The following COL2A1 variants were observed in gnomAD, a reference collection of about 807,000 sequenced individuals.
COL2A1 encodes the protein collagen type II alpha 1 chain.
Under a neutral mutation model 204.5 loss-of-function variants are expected in COL2A1, and 28 were observed. That is an observed-to-expected ratio of 0.14 (90% CI 0.10 to 0.19). The LOEUF (loss-of-function observed/expected upper bound fraction) is 0.19, where lower values mean the gene tolerates loss of function less well. COL2A1 is among the 10% of genes least tolerant of loss of function. The pLI is 1.00. For synonymous variants in COL2A1, 708 were observed against 718.7 expected (o/e 0.99, Z 0.24); for missense variants, 1,388 against 2,027.5 (o/e 0.68, Z 6.06).
chr12:47,997,271 C>T (rs528217864), intron 7 of COL2A1, among the ~76,000 whole-genome samples: 5 of 152,342 alleles, frequency 3.3e-5, no homozygotes, highest in Admixed American at 1.3e-4. Context: ...AGTGGTCACT[C>T]GTCTTCCAGG....
In COL2A1 at chr12:47,976,103, G is replaced by T. The variant is rs1021584140; in HGVS notation, c.3490-33C>A. The T allele has an allele frequency of 6.6e-7, 1 of 1,509,244 alleles. No individual in the cohort carries two copies. The highest frequency in any genetic ancestry group is 9.2e-7 in the Non-Finnish European group (1 of 1,084,708). The allele number at this position is 1,509,244 out of a possible 1,614,324, so 93.5% of individuals were successfully genotyped here. A position where few individuals can be genotyped will look rare whatever the true frequency, so the allele number is the denominator to read the frequency against. On this transcript the variant is annotated intron_variant, in intron 49 of 53. Coordinates refer to ENST00000380518, the MANE Select transcript of COL2A1 (RefSeq NM_001844.5). The surrounding 1 kb of genome is among the most constrained non-coding windows in gnomAD (Gnocchi z 4.3). ...AGAGAGAGGTCGTGAGGAAAGAGTG[G>T]TCACCACAGGGAAGGCTGGGGAGTC...
intron 36 of COL2A1, among the ~76,000 whole-genome samples, 175 bp from the exon 37 acceptor site, chr12:47,981,571 G>A (rs575484213): frequency 3.8e-4 from 58 of 152,370 alleles, no homozygotes; most frequent in African/African-American, 1.2e-3. Context: ...TCTGCTGAAT[G>A]TGTGTTTACC....
chr12:47,981,213 G>A (rs569091874), intron 37 of COL2A1, 130 bp downstream of exon 37: 16 of 1,040,944 alleles, frequency 1.5e-5, no homozygotes, highest in African/African-American at 1.3e-4. Flanking sequence ...TAGACCCAGC[G>A]GGTAGGGAGG....
Position 47,993,988 on chromosome 12 carries a change from A to T in COL2A1, c.870+6T>A. On this transcript the variant is annotated splice_donor_region_variant and intron_variant, in intron 13 of 53. Coordinates refer to ENST00000380518, the MANE Select transcript of COL2A1 (RefSeq NM_001844.5). ...TCCTTCCAACCTTCTCACCCGTGAT[A>T]CTTACTCTGTGACCTTTGACACCAG... 6.2e-7 allele frequency: 1 copy of T among 1,614,122 alleles called. No homozygotes were observed. Among genetic ancestry groups the T allele is most frequent in the Non-Finnish European group, 8.5e-7 (1 of 1,180,022 alleles).
chr12:47,986,593 C>A, intron 22 of COL2A1, 150 bp from the exon 23 acceptor site: 2 of 714,606 alleles, frequency 2.8e-6, no homozygotes, highest in South Asian at 1.7e-5. Context: ...CGAGCCATGG[C>A]AGGGCAGAGG....
At chr12:47,988,677 C>T (rs1319652892) in intron 18 of COL2A1, among the ~76,000 whole-genome samples, 2 of 152,250 alleles carry the variant, frequency 1.3e-5, no homozygotes, top group Admixed American at 6.5e-5. Context: ...ACACTGGAAT[C>T]CTTCCTGGGC....
chr12:47,993,972 C>T (rs370119831), intron 13 of COL2A1, 22 bp downstream of exon 13: 8 of 1,614,070 alleles, frequency 5.0e-6, no homozygotes, highest in African/African-American at 1.3e-5. Context: ...TTCCTTCCAA[C>T]CTTCTCACCC....
chr12:47,992,378 T>C (rs904779020), intron 16 of COL2A1, among the ~76,000 whole-genome samples: 2 of 152,310 alleles, frequency 1.3e-5, no homozygotes, highest in South Asian at 4.1e-4. Context: ...GAAGATGAGA[T>C]GAAGTAAAGC....
chr12:47,994,566 T>C, intron 11 of COL2A1, 89 bp from the exon 12 acceptor site: 2 of 1,397,236 alleles, frequency 1.4e-6, no homozygotes, highest in Non-Finnish European at 2.0e-6. Context: ...CTTCCAGCCC[T>C]CCATGCCTTT....
Position 47,974,313 on chromosome 12 carries a change from T to A in COL2A1, c.4093A>T (p.Asn1365Tyr), listed in dbSNP as rs202105427. The part of the protein sequence containing the change: ...GGFHFSYGDD[N>Y]LAPNTANVQM... ...ACGTTGGCAGTGTTGGGAGCCAGAT[T>A]GTCATCTCCATAGCTGAACTGTTGG... Residue 1365 changes from asparagine (N) to tyrosine (Y), a missense_variant, in exon 53 of 54, where the codon AAT becomes TAT. Transcript: ENST00000380518. The A allele has an allele frequency of 1.2e-5, 19 of 1,614,058 alleles. No individual in the cohort carries two copies. The highest frequency in any genetic ancestry group is 1.4e-5 in the Non-Finnish European group (17 of 1,180,002).
At chr12:48,005,507 T>C (rs1053470469), upstream of COL2A1, 5 of 152,202 alleles carry the variant, frequency 3.3e-5, no homozygotes, top group African/African-American at 1.2e-4. Flanking sequence ...GCGAGTTCTG[T>C]GAGCCGGGGA....
chr12:47,981,896 C>T, intron 35 of COL2A1, 67 bp from the exon 36 acceptor site: 1 of 1,507,432 alleles, frequency 6.6e-7, no homozygotes, highest in Non-Finnish European at 9.1e-7. Context: ...GGCCCGGCAC[C>T]AAGCCAACCT....
chr12:48,003,374 T>G (rs746022386), intron 1 of COL2A1, among the ~76,000 whole-genome samples: 3 of 151,880 alleles, frequency 2.0e-5, no homozygotes, highest in Non-Finnish European at 2.9e-5. Context: ...AGTTCCAGAA[T>G]TTAGAAAAGT....
chr12:48,004,189 G>T, intron 1 of COL2A1, 48 bp downstream of exon 1: 1 of 1,338,124 alleles, frequency 7.5e-7, no homozygotes, highest in Non-Finnish European at 1.1e-6. Flanking sequence ...AGGATGCTGA[G>T]GGACGCATGG....
chr12:47,978,661 G>T lies in COL2A1; in HGVS notation c.2831C>A (p.Pro944His), dbSNP rs140368756. ...DSGPPGRAGEPGLQGPAGPPG... is the reference protein window; with the variant it reads ...DSGPPGRAGEHGLQGPAGPPG... ...GGGTCCAGCAGGACCTTGGAGGCCG[G>T]GTTCACCAGCTCGGCCAGGGGGGCC... Residue 944 changes from proline (P) to histidine (H), a missense_variant, in exon 42 of 54, where the codon CCC becomes CAC. Pro to His is a moderately conservative substitution (Grantham distance 77). Transcript: ENST00000380518. This position sits in a 1 kb window ranked among gnomAD's most constrained non-coding sequence, Gnocchi z 5.5. 1.2e-6 allele frequency: 2 copies of T among 1,613,424 alleles called. No individual in the cohort carries two copies. Among genetic ancestry groups the T allele is most frequent in the East Asian group, 4.5e-5 (2 of 44,888 alleles).
intron 16 of COL2A1, among the ~76,000 whole-genome samples, chr12:47,990,306 G>A (rs1236764276): frequency 2.0e-5 from 3 of 152,216 alleles, no homozygotes; most frequent in Non-Finnish European, 2.9e-5. Context: ...CACCGCACCT[G>A]GCCCCTAATC....
At position 47,980,864 on chromosome 12, in the gene COL2A1, G is replaced by A. The variant is rs1939025899; in HGVS notation, c.2517+51C>T. ...GCTCCGATGCCCGAGGGTGCTGGATGTGGAACTGGCCTGAGTGGAGGGACC... is the reference window on the plus strand; with the variant it reads ...GCTCCGATGCCCGAGGGTGCTGGATATGGAACTGGCCTGAGTGGAGGGACC... On this transcript the variant is annotated intron_variant, in intron 38 of 53. Transcript: ENST00000380518. The surrounding 1 kb of genome is among the most constrained non-coding windows in gnomAD (Gnocchi z 4.5). 6.5e-7 allele frequency: 1 copy of A among 1,545,322 alleles called. No homozygotes were observed.
intron 26 of COL2A1, 74 bp from the exon 27 acceptor site, chr12:47,985,167 C>T (rs766995341): frequency 2.2e-5 from 27 of 1,249,586 alleles, no homozygotes; most frequent in Non-Finnish European, 2.9e-5. Flanking sequence ...CACTAAGGGC[C>T]TACATGGCAG....
chr12:47,979,471 C>A lies in COL2A1; in HGVS notation c.2733+40G>T, dbSNP rs199626229. ...TGTTGGGTGCTGGGCCAGGCTATTC[C>A]ATGCCTGCCTGTGCCTCTCATGCCA... is the stretch of plus-strand genomic sequence containing the variant. On this transcript the variant is annotated intron_variant, in intron 41 of 53. Coordinates refer to ENST00000380518, the MANE Select transcript of COL2A1 (RefSeq NM_001844.5). 267 of 1,608,732 alleles carry A rather than the reference C, an allele frequency of 1.7e-4. 1 individual carries two copies. The African/African-American group carries it at 3.2e-3, about 20-fold the overall frequency.
Sources: gnomAD v4.1 joint callset for allele counts (sites outside exome capture counted in the v4.1 genomes callset) on GRCh38, gnomAD v4.1.1 for gene constraint, Gnocchi (gnomAD v3.1) non-coding constraint, MANE v1.5 for transcripts, NCBI Gene and HGNC (gene_info 2026-07-23, HGNC 2026-07-21) for gene names.